PCDHGA3: variants seen among roughly 807,000 people sequenced by gnomAD.
The protein encoded by PCDHGA3 is protocadherin gamma-A3.
A neutral mutation model predicts 58.5 loss-of-function variants in PCDHGA3; 40 were observed. The ratio of observed to expected loss-of-function variants is 0.68; its 90% CI spans 0.53 to 0.89. The LOEUF (loss-of-function observed/expected upper bound fraction) is 0.89. PCDHGA3 is among the 40% of genes least tolerant of loss of function. The pLI is 0.00. For missense variants in PCDHGA3, 1,223 were observed against 1,195.9 expected, an observed-to-expected ratio of 1.02 and a Z score of -0.33; for synonymous variants, 530 against 525.7, an observed-to-expected ratio of 1.01 and a Z score of -0.11.
intron 1 of PCDHGA3, chr5:141,383,222 TC>T: frequency 6.2e-7 from 1 of 1,613,962 alleles, no homozygotes. Flanking sequence ...AACTTTAACA[TC>T]CTGATGGAAG....
At position 141,431,026 on chromosome 5, in the gene PCDHGA3, G is replaced by A; in HGVS notation, c.2425-63781G>A. On this transcript the variant is annotated intron_variant, in intron 1 of 3. Coordinates refer to ENST00000253812, the MANE Select transcript of PCDHGA3 (RefSeq NM_018916.4). This position sits in a 1 kb window ranked among gnomAD's most constrained non-coding sequence, Gnocchi z 4.8. Reference sequence around the variant, plus strand: ...GCGGCAGCTTGGTCACGGCGGGCAGGATAGACCGGGAGGAGCTCTGTATGG... The same window carrying A: ...GCGGCAGCTTGGTCACGGCGGGCAGAATAGACCGGGAGGAGCTCTGTATGG... The A allele has an allele frequency of 1.2e-6, 2 of 1,614,118 alleles. No homozygotes were observed. The highest frequency in any genetic ancestry group is 1.7e-6 in the Non-Finnish European group (2 of 1,179,960).
intron 1 of PCDHGA3, chr5:141,422,357 C>G: frequency 6.4e-7 from 1 of 1,557,656 alleles, no homozygotes; most frequent in African/African-American, 1.4e-5. Flanking sequence ...GATCAAGATT[C>G]TGGAGAAAAT....
intron 1 of PCDHGA3, among the ~76,000 whole-genome samples, chr5:141,481,400 T>C (rs2154578591): frequency 6.6e-6 from 1 of 152,358 alleles, no homozygotes; most frequent in East Asian, 1.9e-4. Context: ...GTGACAAAAT[T>C]CTTGTATAAT....
intron 1 of PCDHGA3, chr5:141,422,386 A>G: frequency 1.3e-6 from 2 of 1,587,922 alleles, no homozygotes; most frequent in Non-Finnish European, 1.7e-6. Flanking sequence ...CTCCTGTTTT[A>G]TTCCTAACCA....
Position 141,487,007 on chromosome 5 carries a change from G to C in PCDHGA3, c.2425-7800G>C, listed in dbSNP as rs563548715. On this transcript the variant is annotated intron_variant, in intron 1 of 3. Transcript: ENST00000253812. This position sits in a 1 kb window ranked among gnomAD's most constrained non-coding sequence, Gnocchi z 5.0. ...TGCTTGGGTTTCCTATCAGCTCCTG[G>C]AGGCCCCAGATCCCAGCCTGTTTGC... The C allele has an allele frequency of 6.2e-7, 1 of 1,614,206 alleles. No individual in the cohort carries two copies. Among genetic ancestry groups the C allele is most frequent in the Non-Finnish European group, 8.5e-7 (1 of 1,180,042 alleles).
In PCDHGA3 at chr5:141,486,092, C is replaced by A; in HGVS notation, c.2425-8715C>A. Reference sequence around the variant, plus strand: ...TACTGGAAAGCTTACTCTTTTGGGGCCCCTAGACTTTGAGAGTGAGAATTA... The same window carrying A: ...TACTGGAAAGCTTACTCTTTTGGGGACCCTAGACTTTGAGAGTGAGAATTA... On this transcript the variant is annotated intron_variant, in intron 1 of 3. Coordinates refer to ENST00000253812, the MANE Select transcript of PCDHGA3 (RefSeq NM_018916.4). The surrounding 1 kb of genome is among the most constrained non-coding windows in gnomAD (Gnocchi z 5.0). 1.9e-6 allele frequency: 3 copies of A among 1,614,148 alleles called. No individual in the cohort carries two copies. Among genetic ancestry groups the A allele is most frequent in the Non-Finnish European group, 2.5e-6 (3 of 1,180,008 alleles).
In PCDHGA3 at chr5:141,356,579, A is replaced by G. The variant is rs115115119; in HGVS notation, c.2424+10122A>G. 2,835 of 1,614,150 alleles carry G rather than the reference A, an allele frequency of 1.8e-3. 35 individuals carry two copies. The African/African-American group carries it at 0.03, about 17-fold the overall frequency. Reference sequence around the variant, plus strand: ...TTCCCTCATGCTTCCTACTCTGCTTACATTCCTGAAAACAACCCCAGAGGA... The same window carrying G: ...TTCCCTCATGCTTCCTACTCTGCTTGCATTCCTGAAAACAACCCCAGAGGA... On this transcript the variant is annotated intron_variant, in intron 1 of 3. Coordinates refer to ENST00000253812, the MANE Select transcript of PCDHGA3 (RefSeq NM_018916.4).
intron 1 of PCDHGA3, chr5:141,387,764 A>T: frequency 7.0e-7 from 1 of 1,430,464 alleles, no homozygotes; most frequent in Non-Finnish European, 9.3e-7. Context: ...AAAAAGAAGA[A>T]TTTTTTCTTG....
intron 1 of PCDHGA3, chr5:141,423,496 G>A (rs1049120602): frequency 1.2e-6 from 2 of 1,613,804 alleles, no homozygotes; most frequent in African/African-American, 1.3e-5. Flanking sequence ...CTATTCCCAC[G>A]AGGTCTCTCT....
intron 1 of PCDHGA3, chr5:141,376,204 C>T (rs185484474): frequency 1.7e-5 from 28 of 1,614,080 alleles, no homozygotes; most frequent in Admixed American, 1.3e-4. Context: ...TCCTGGCCTT[C>T]GTCATCGTGC....
chr5:141,420,934 C>T, intron 1 of PCDHGA3: 1 of 377,936 alleles, frequency 2.6e-6, no homozygotes, highest in South Asian at 5.3e-5. Context: ...TGAGCGTAAT[C>T]ATTTCTTCTG....
intron 1 of PCDHGA3, chr5:141,413,972 T>G: frequency 6.2e-7 from 1 of 1,613,420 alleles, no homozygotes; most frequent in Non-Finnish European, 8.5e-7. Context: ...ACTCAGCTGC[T>G]GACAGTCACA....
At position 141,390,470 on chromosome 5, in the gene PCDHGA3, G is replaced by A; in HGVS notation, c.2424+44013G>A. On this transcript the variant is annotated intron_variant, in intron 1 of 3. Transcript: ENST00000253812. ...AGGAGTAAAGTAGGAGCAATTGTGTGGCCCAACATTTGTTTGTTTTTTAGC... is the reference window on the plus strand; with the variant it reads ...AGGAGTAAAGTAGGAGCAATTGTGTAGCCCAACATTTGTTTGTTTTTTAGC... 4.3e-6 allele frequency: 3 copies of A among 699,244 alleles called. No individual in the cohort carries two copies. In the South Asian group the frequency reaches 6.0e-5, roughly 14 times the overall value. The allele number at this position is 699,244 out of a possible 1,614,324, so 43.3% of individuals were successfully genotyped here.
chr5:141,423,744 A>T, intron 1 of PCDHGA3: 4 of 429,458 alleles, frequency 9.3e-6, no homozygotes, highest in Non-Finnish European at 8.7e-6. Context: ...TGTTATGAAA[A>T]CTGTTTGGGG....
chr5:141,378,862 C>T (rs899917720), intron 1 of PCDHGA3: 2 of 152,096 alleles, frequency 1.3e-5, no homozygotes, highest in African/African-American at 4.8e-5. Flanking sequence ...CAATGATGTT[C>T]GAATAGAAAA....
intron 1 of PCDHGA3, among the ~76,000 whole-genome samples, chr5:141,456,363 G>A (rs1233146015): frequency 6.6e-6 from 1 of 152,098 alleles, no homozygotes; most frequent in African/African-American, 2.4e-5. Flanking sequence ...GTCCATGTGT[G>A]GTTCAGTTTA....
chr5:141,395,538 TTGTTTGTG>T (rs2093252084), intron 1 of PCDHGA3: 3 of 225,786 alleles, frequency 1.3e-5, no homozygotes, highest in South Asian at 6.0e-5. Flanking sequence ...AATTTTGCTA[TTGTTTGTG>T]TGTGTGTGTG....
chr5:141,508,935 A>T (rs180987868), intron 3 of PCDHGA3, among the ~76,000 whole-genome samples: 2 of 152,118 alleles, frequency 1.3e-5, no homozygotes, highest in Non-Finnish European at 2.9e-5. Context: ...GGAGTTAATT[A>T]GGGAAAACAG....
intron 1 of PCDHGA3, among the ~76,000 whole-genome samples, chr5:141,369,547 A>G (rs1766330470): frequency 6.6e-6 from 1 of 152,196 alleles, no homozygotes; most frequent in Non-Finnish European, 1.5e-5. Context: ...TTAAAAGTAG[A>G]CACTTGGAAA....
Sources: allele counts gnomAD v4.1 joint callset (sites outside exome capture counted in the v4.1 genomes callset), GRCh38; gene constraint gnomAD v4.1.1; non-coding constraint Gnocchi (gnomAD v3.1); transcripts MANE v1.5; gene names NCBI Gene and HGNC (gene_info 2026-07-23, HGNC 2026-07-21).